SPATA22: variants seen among roughly 807,000 people sequenced by gnomAD.
SPATA22 encodes the protein spermatogenesis-associated protein 22.
In SPATA22, 29 loss-of-function variants were observed where a neutral mutation model predicts 47.8. The ratio of observed to expected loss-of-function variants is 0.61; its 90% CI spans 0.45 to 0.83. The LOEUF is 0.83. Ranked by LOEUF, SPATA22 falls within the 40% of genes least tolerant of loss-of-function variation. The pLI is 0.00. For missense variants in SPATA22, 410 were observed against 421.7 expected (o/e 0.97, Z 0.24); for synonymous variants, 133 against 140.9 (o/e 0.94, Z 0.40).
intron 1 of SPATA22, chr17:3,489,245 T>C (rs1438500410): frequency 6.2e-7 from 1 of 1,609,124 alleles, no homozygotes; most frequent in Non-Finnish European, 8.5e-7. Context: ...GTATAGAAGT[T>C]GGTCCTCAGC....
rs766971539 is a variant in SPATA22 at position 3,481,660 on chromosome 17, T to C, written c.-73-12262A>G. ...TGAGAAGGGCTCAAGAAATAAATCATTTATTTGGTCCAAAAGACAGTGAAG... is the reference window on the plus strand; with the variant it reads ...TGAGAAGGGCTCAAGAAATAAATCACTTATTTGGTCCAAAAGACAGTGAAG... On this transcript the variant is annotated intron_variant, in intron 1 of 8. Transcript: ENST00000541913. 10 of 1,613,786 alleles carry C rather than the reference T, an allele frequency of 6.2e-6. No homozygotes were observed. The South Asian group carries it at 6.6e-5, about 11-fold the overall frequency.
rs369462322 is a variant in SPATA22, at chr17:3,467,412, A to T, written c.172+14T>A. The stretch of plus-strand genomic sequence containing the variant: ...TGTATTTCCTGAAAATTTTTACCTT[A>T]TTAATTTTCTTACCTGTAGGTAGAG... On this transcript the variant is annotated intron_variant, in intron 3 of 8. Transcript: ENST00000572969. 215 of 1,570,248 alleles carry T rather than the reference A, an allele frequency of 1.4e-4. No homozygotes were observed. Among genetic ancestry groups the T allele is most frequent in the Middle Eastern group, 1.2e-3 (7 of 5,824 alleles).
intron 8 of SPATA22, chr17:3,441,688 A>C (rs1186039989): frequency 6.6e-6 from 1 of 152,104 alleles, no homozygotes; most frequent in Non-Finnish European, 1.5e-5. Flanking sequence ...CAAATGCATA[A>C]GAGACATAGA....
Position 3,490,593 on chromosome 17 carries a change from C to A in SPATA22, c.-73-21195G>T, listed in dbSNP as rs2073808556. Among the ~76,000 whole-genome samples, 1 of 152,086 alleles carries A rather than the reference C, an allele frequency of 6.6e-6. No homozygotes were observed. Among genetic ancestry groups the A allele is most frequent in the Non-Finnish European group, 1.5e-5 (1 of 68,036 alleles). On this transcript the variant is annotated intron_variant, in intron 1 of 8. Transcript: ENST00000541913. This position sits in a 1 kb window ranked among gnomAD's most constrained non-coding sequence, Gnocchi z 4.6. ...TTTTGTGCTTGGGAATCCTTTGACT[C>A]CAAAATCATGAAAACTGAAAATTTG...
chr17:3,470,478 A>G (rs1414612841), intron 1 of SPATA22, among the ~76,000 whole-genome samples: 1 of 152,136 alleles, frequency 6.6e-6, no homozygotes, highest in African/African-American at 2.4e-5. Flanking sequence ...GGCCGGGTGC[A>G]GTGGCTCACG....
chr17:3,448,867 A>G lies in SPATA22; in HGVS notation c.612T>C (p.Phe204=). The G allele has an allele frequency of 6.2e-7, 1 of 1,613,050 alleles. No homozygotes were observed. The highest frequency in any genetic ancestry group is 8.5e-7 in the Non-Finnish European group (1 of 1,179,694). Residue 204 remains phenylalanine, a synonymous_variant, in exon 6 of 9, where the codon TTT becomes TTC. Coordinates refer to ENST00000572969, the MANE Select transcript of SPATA22 (RefSeq NM_001170698.2). ...TTTGTTTCTTATATTGATTTTGTTGAAAATTGGGCTTAAGTGTCTGTAGTG... is the reference window on the plus strand; with the variant it reads ...TTTGTTTCTTATATTGATTTTGTTGGAAATTGGGCTTAAGTGTCTGTAGTG... ...NSALQTLKPN[F]QQNQYKKQML...
intron 1 of SPATA22, chr17:3,512,042 A>G (rs913196098): frequency 6.6e-6 from 1 of 152,208 alleles, no homozygotes; most frequent in African/African-American, 2.4e-5. Context: ...ACTTCTTCCA[A>G]TGACCATTTT....
At position 3,467,538 on chromosome 17, in the gene SPATA22, C is replaced by T. The variant is rs1439716313; in HGVS notation, c.60G>A (p.Pro20=). ...ARSTAGCLPV[P]LFNQKKRNRQ... is the part of the protein sequence containing the mutation. ...TGTTCCTCTTTTTCTGATTGAACAA[C>T]GGAACAGGCAAACAGCCTAAATTGA... The change falls in exon 3 of 9, where the codon CCG becomes CCA. Residue 20 remains proline (P), a synonymous_variant. Coordinates refer to ENST00000572969, the MANE Select transcript of SPATA22 (RefSeq NM_001170698.2). The T allele has an allele frequency of 9.3e-6, 15 of 1,604,628 alleles. No homozygotes were observed. The highest frequency in any genetic ancestry group is 1.7e-4 in the Middle Eastern group (1 of 5,870).
chr17:3,448,923 A>C lies in SPATA22; in HGVS notation c.556T>G (p.Cys186Gly), dbSNP rs993674179. 4.3e-6 allele frequency: 7 copies of C among 1,614,086 alleles called. No individual in the cohort carries two copies. Among genetic ancestry groups the C allele is most frequent in the Non-Finnish European group, 5.9e-6 (7 of 1,179,994 alleles). ...RQTHSSKISG[C>G]TMRGLDKNSA... ...TTTTTGTCTAGCCCTCTCATTGTGC[A>C]GCCAGATATTTTTGATGAATGTGTT... Residue 186 changes from cysteine to glycine, a missense_variant, in exon 6 of 9, where the codon TGC becomes GGC. Cys to Gly is a radical substitution (Grantham distance 159). Coordinates refer to ENST00000572969, the MANE Select transcript of SPATA22 (RefSeq NM_001170698.2).
intron 6 of SPATA22, among the ~76,000 whole-genome samples, chr17:3,447,166 G>C (rs1214496459): frequency 6.6e-6 from 1 of 151,920 alleles, no homozygotes; most frequent in Non-Finnish European, 1.5e-5. Context: ...AAACACACAA[G>C]GTAAATGGAA....
chr17:3,492,665 T>A (rs1029118198), intron 1 of SPATA22, among the ~76,000 whole-genome samples: 2 of 152,182 alleles, frequency 1.3e-5, no homozygotes, highest in African/African-American at 4.8e-5. Context: ...TACCATTATG[T>A]ACAACAGCCC....
At chr17:3,499,086 T>TC in intron 1 of SPATA22, 4 of 1,613,472 alleles carry the variant, frequency 2.5e-6, no homozygotes, top group Non-Finnish European at 3.4e-6. Flanking sequence ...CTGTTTACAT[T>TC]AGAAATCACT....
chr17:3,459,374 A>G (rs925913820), intron 5 of SPATA22, among the ~76,000 whole-genome samples: 1 of 152,220 alleles, frequency 6.6e-6, no homozygotes, highest in Non-Finnish European at 1.5e-5. Context: ...TTAAAATATC[A>G]GGTTGTACAC....
In SPATA22 at chr17:3,457,612, T is replaced by C. The variant is rs192874093; in HGVS notation, c.329+4871A>G. Among the ~76,000 whole-genome samples the C allele has an allele frequency of 9.9e-5, 15 of 152,112 alleles. No homozygotes were observed. In the East Asian group the frequency reaches 2.5e-3, roughly 25 times the overall value. ...AGCTACAGTAATCAAAACAGTATGGTACTGGTATTAAAACAGGCACATAGA... is the reference window on the plus strand; with the variant it reads ...AGCTACAGTAATCAAAACAGTATGGCACTGGTATTAAAACAGGCACATAGA... On this transcript the variant is annotated intron_variant, in intron 5 of 8. Transcript: ENST00000572969.
intron 5 of SPATA22, among the ~76,000 whole-genome samples, chr17:3,458,291 T>C (rs555740995): frequency 6.6e-6 from 1 of 152,186 alleles, no homozygotes; most frequent in East Asian, 1.9e-4. Flanking sequence ...TCACACTTGT[T>C]AGGATAGCTG....
chr17:3,451,254 A>C (rs2072853421), intron 5 of SPATA22, among the ~76,000 whole-genome samples: 1 of 152,328 alleles, frequency 6.6e-6, no homozygotes, highest in Non-Finnish European at 1.5e-5. Context: ...ATTCAATAGG[A>C]AGACATAAAA....
chr17:3,448,080 C>T (rs1448987419), intron 6 of SPATA22, among the ~76,000 whole-genome samples: 2 of 152,120 alleles, frequency 1.3e-5, no homozygotes, highest in Non-Finnish European at 2.9e-5. Context: ...AGTTGAGATA[C>T]AGGTATAGGG....
Position 3,471,507 on chromosome 17 carries a change from T to C in SPATA22, c.-74+175A>G, listed in dbSNP as rs148969784. ...TGGCATTGGTGTGCAAAAAGTGTGC[T>C]CAATCTGCACGCACACACACACACA... is the stretch of plus-strand genomic sequence containing the variant. On this transcript the variant is annotated intron_variant, in intron 1 of 8. Transcript: ENST00000572969. 2.2e-4 allele frequency: 211 copies of C among 981,336 alleles called. 2 individuals carry two copies. In the African/African-American group the frequency reaches 3.4e-3, roughly 16 times the overall value. 60.8% of individuals were successfully genotyped at this position (981,336 alleles called of 1,614,324 possible).
rs541719858 is a variant in SPATA22, at chr17:3,458,570, C to T, written c.329+3913G>A. Among the ~76,000 whole-genome samples, 29 of 152,156 alleles carry T rather than the reference C, an allele frequency of 1.9e-4. No individual in the cohort carries two copies. The East Asian group carries it at 5.0e-3, about 26-fold the overall frequency. On this transcript the variant is annotated intron_variant, in intron 5 of 8. Coordinates refer to ENST00000572969, the MANE Select transcript of SPATA22 (RefSeq NM_001170698.2). Reference sequence around the variant, plus strand: ...TCACAATAGCCAAGAGGGCCAGGCACGGTGGCTCACACCTGTGATCCCAGC... The same window carrying T: ...TCACAATAGCCAAGAGGGCCAGGCATGGTGGCTCACACCTGTGATCCCAGC...
Sources: gnomAD v4.1 joint callset for allele counts (sites outside exome capture counted in the v4.1 genomes callset) on GRCh38, gnomAD v4.1.1 for gene constraint, Gnocchi (gnomAD v3.1) non-coding constraint, MANE v1.5 for transcripts, NCBI Gene and HGNC (gene_info 2026-07-23, HGNC 2026-07-21) for gene names.